The following JAM2 variants were observed in gnomAD, a reference collection of about 807,000 sequenced individuals.
The protein encoded by JAM2 is junctional adhesion molecule 2.
JAM2 carries 17 observed loss-of-function variants against 42.0 expected under a neutral mutation model. The observed-to-expected ratio is 0.40, with a 90% CI of 0.28 to 0.61. The LOEUF (loss-of-function observed/expected upper bound fraction) is 0.61. Among genes scored for constraint, JAM2 ranks in the 20% least tolerant of loss-of-function variants. The probability of loss-of-function intolerance (pLI) is 0.37; values close to 1 mark genes in which losing one functional copy is unlikely to be tolerated. For synonymous variants in JAM2, 118 were observed against 128.6 expected (o/e 0.92, Z 0.56); for missense variants, 319 against 358.3 (o/e 0.89, Z 0.89).
intron 1 of JAM2, among the ~76,000 whole-genome samples, chr21:25,654,957 G>C (rs2032889923): frequency 6.6e-6 from 1 of 152,152 alleles, no homozygotes; most frequent in African/African-American, 2.4e-5. Context: ...GCATCTAAAG[G>C]CCTAAGAAGC....
chr21:25,656,522 G>A (rs959411392), intron 1 of JAM2, among the ~76,000 whole-genome samples: 1 of 152,174 alleles, frequency 6.6e-6, no homozygotes, highest in African/African-American at 2.4e-5. Context: ...TGCCGGTTAT[G>A]GGAAAAGAAT....
intron 4 of JAM2, among the ~76,000 whole-genome samples, chr21:25,695,544 C>G (rs943012907): frequency 2.0e-5 from 3 of 151,852 alleles, no homozygotes; most frequent in African/African-American, 7.3e-5. Flanking sequence ...ACTTCCCAGA[C>G]AGGGCGGCCG....
intron 1 of JAM2, among the ~76,000 whole-genome samples, chr21:25,674,801 G>A (rs1412987190): frequency 6.6e-6 from 1 of 151,426 alleles, no homozygotes; most frequent in Non-Finnish European, 1.5e-5. Flanking sequence ...AGACGATAAT[G>A]AGATAGATGA....
At chr21:25,703,520 TAA>T (rs2034210399) in intron 6 of JAM2, among the ~76,000 whole-genome samples, 1 of 152,226 alleles carries the variant, frequency 6.6e-6, no homozygotes, top group East Asian at 1.9e-4. Flanking sequence ...TACAAATTCA[TAA>T]ATTCATTTTT....
chr21:25,680,506 T>C (rs2033604112), intron 1 of JAM2, among the ~76,000 whole-genome samples: 2 of 152,238 alleles, frequency 1.3e-5, no homozygotes, highest in Non-Finnish European at 2.9e-5. Flanking sequence ...TGGAATGTGA[T>C]GCTTTACATA....
rs147775131 is a variant in JAM2 at position 25,676,029 on chromosome 21, T to C, written c.68-7854T>C. Among the ~76,000 whole-genome samples the C allele has an allele frequency of 4.2e-4, 64 of 152,320 alleles. 2 individuals carry two copies. In the East Asian group the frequency reaches 0.011, roughly 25 times the overall value. ...CAGGCCGGGTGCAGTGGCTCACGTC[T>C]GTAATCCTACCACTTTGAGAGGCCA... is the stretch of plus-strand genomic sequence containing the variant. On this transcript the variant is annotated intron_variant, in intron 1 of 9. Coordinates refer to ENST00000480456, the MANE Select transcript of JAM2 (RefSeq NM_021219.4).
At chr21:25,699,704 C>CAG (rs1261502652) in intron 5 of JAM2, among the ~76,000 whole-genome samples, 1 of 112,922 alleles carries the variant, frequency 8.9e-6, no homozygotes, top group African/African-American at 3.4e-5. Context: ...GCCTGGGTGA[C>CAG]AGAGCCAGGC....
At position 25,703,033 on chromosome 21, in the gene JAM2, G is replaced by A. The variant is rs570663931; in HGVS notation, c.697+764G>A. ...CACCCAGCTAATTTTGGTATTTTTA[G>A]TAGAGACAGGGTTTCACCGTGTTGG... On this transcript the variant is annotated intron_variant, in intron 6 of 9. Coordinates refer to ENST00000480456, the MANE Select transcript of JAM2 (RefSeq NM_021219.4). Among the ~76,000 whole-genome samples, 25 of 152,206 alleles carry A rather than the reference G, an allele frequency of 1.6e-4. No homozygotes were observed. The South Asian group carries it at 5.0e-3, about 30-fold the overall frequency.
At chr21:25,711,789 T>C (rs2034388919) in intron 8 of JAM2, among the ~76,000 whole-genome samples, 1 of 152,120 alleles carries the variant, frequency 6.6e-6, no homozygotes, top group African/African-American at 2.4e-5. Flanking sequence ...GTGGGAAGGG[T>C]GACATAGCTG....
intron 9 of JAM2, among the ~76,000 whole-genome samples, chr21:25,712,723 A>G (rs1479630426): frequency 6.6e-6 from 1 of 152,168 alleles, no homozygotes; most frequent in African/African-American, 2.4e-5. Flanking sequence ...AGGTTCTTAC[A>G]GGGTAACAGT....
chr21:25,666,885 T>C (rs1601010661), intron 1 of JAM2, among the ~76,000 whole-genome samples: 2 of 152,238 alleles, frequency 1.3e-5, no homozygotes, highest in Non-Finnish European at 2.9e-5. Context: ...ATTTTAGGAA[T>C]TGACTCTATC....
At chr21:25,700,960 G>C (rs542128484) in intron 5 of JAM2, among the ~76,000 whole-genome samples, 9 of 152,174 alleles carry the variant, frequency 5.9e-5, no homozygotes, top group Non-Finnish European at 8.8e-5. Flanking sequence ...AAAGCCCCAA[G>C]GCAAGTCTGA....
rs1601044787 is a variant in JAM2 at position 25,693,828 on chromosome 21, G to A, written c.314G>A (p.Gly105Glu). 1 of 1,613,976 alleles carries A rather than the reference G, an allele frequency of 6.2e-7. No homozygotes were observed. Among genetic ancestry groups the A allele is most frequent in the Admixed American group, 1.7e-5 (1 of 60,006 alleles). Reference sequence around the variant, plus strand: ...AAAAATGTGACAAGAAGTGATGCGGGGAAATATCGTTGTGAAGTTAGTGCC... The same window carrying A: ...AAAAATGTGACAAGAAGTGATGCGGAGAAATATCGTTGTGAAGTTAGTGCC... ...RIKNVTRSDA[G>E]KYRCEVSAPS... Residue 105 changes from glycine (G) to glutamate (E), a missense_variant, in exon 4 of 10, where the codon GGG becomes GAG. By Grantham distance (98) the Gly-to-Glu change is moderately conservative. Transcript: ENST00000480456.
chr21:25,704,470 G>T (rs928300926), intron 6 of JAM2, among the ~76,000 whole-genome samples: 9 of 152,118 alleles, frequency 5.9e-5, no homozygotes, highest in African/African-American at 1.9e-4. Context: ...TTTATGATAA[G>T]CAGATTCACT....
intron 2 of JAM2, among the ~76,000 whole-genome samples, chr21:25,686,186 T>C (rs1263921887): frequency 2.6e-5 from 4 of 152,248 alleles, no homozygotes; most frequent in African/African-American, 9.6e-5. Context: ...TTATTTTTAA[T>C]ATAGAAAATC....
chr21:25,658,700 TA>T (rs1222728254), intron 1 of JAM2, among the ~76,000 whole-genome samples: 1 of 152,118 alleles, frequency 6.6e-6, no homozygotes, highest in Non-Finnish European at 1.5e-5. Context: ...CTGAGGGGAT[TA>T]AAAAGTAAAG....
chr21:25,667,909 G>T (rs1010165418), intron 1 of JAM2, among the ~76,000 whole-genome samples: 1 of 152,020 alleles, frequency 6.6e-6, no homozygotes, highest in Admixed American at 6.5e-5. Flanking sequence ...AAAAGAAAAA[G>T]AAAAGCAGGA....
intron 1 of JAM2, among the ~76,000 whole-genome samples, chr21:25,649,401 C>T (rs879645276): frequency 1.3e-5 from 2 of 152,088 alleles, no homozygotes; most frequent in Non-Finnish European, 2.9e-5. Context: ...CGAGCAAAAG[C>T]GGGGAAAGCC....
At chr21:25,660,610 C>T (rs2033053591) in intron 1 of JAM2, among the ~76,000 whole-genome samples, 1 of 151,440 alleles carries the variant, frequency 6.6e-6, no homozygotes. Flanking sequence ...CTCCAAAGTC[C>T]TGCTGCATGT....
Sources: allele counts gnomAD v4.1 joint callset (sites outside exome capture counted in the v4.1 genomes callset), GRCh38; gene constraint gnomAD v4.1.1; transcripts MANE v1.5; gene names NCBI Gene and HGNC (gene_info 2026-07-23, HGNC 2026-07-21).